Variants in TIAM2 observed in about 807,000 individuals in gnomAD.
TIAM2 encodes rho guanine nucleotide exchange factor TIAM2.
A neutral mutation model predicts 152.9 loss-of-function variants in TIAM2; 80 were observed. The observed-to-expected ratio is 0.52, with a 90% CI of 0.44 to 0.63. The LOEUF is 0.63. Ranked by LOEUF, TIAM2 falls within the 30% of genes least tolerant of loss-of-function variation. The pLI is 0.00. For missense variants in TIAM2, 1,965 were observed against 2,120.1 expected (o/e 0.93, Z 1.44); for synonymous variants, 804 against 838.0 (o/e 0.96, Z 0.70).
At chr6:155,068,273 ACT>A (rs1777750305) in intron 1 of TIAM2, among the ~76,000 whole-genome samples, 1 of 151,250 alleles carries the variant, frequency 6.6e-6, no homozygotes, top group Non-Finnish European at 1.5e-5. Context: ...AAGGCAAAAA[ACT>A]CTCTACCCAC....
At chr6:155,053,938 G>C (rs1278606024) in intron 1 of TIAM2, among the ~76,000 whole-genome samples, 1 of 152,160 alleles carries the variant, frequency 6.6e-6, no homozygotes, top group Non-Finnish European at 1.5e-5. Flanking sequence ...AGCACTTTGG[G>C]AGGCTGAGGC....
chr6:155,208,526 A>G (rs1562354131), intron 14 of TIAM2, among the ~76,000 whole-genome samples: 1 of 151,998 alleles, frequency 6.6e-6, no homozygotes, highest in Non-Finnish European at 1.5e-5. Context: ...CTCCCCGACC[A>G]CTGAAAATCT....
At position 155,127,792 on chromosome 6, in the gene TIAM2, A is replaced by G. The variant is rs149542996; in HGVS notation, c.-7+192A>G. Among the ~76,000 whole-genome samples, 323 of 152,360 alleles carry G rather than the reference A, an allele frequency of 2.1e-3. 1 individual carries two copies. The highest frequency in any genetic ancestry group is 3.7e-3 in the Non-Finnish European group (252 of 68,040). ...TCTTAGATATAAAAGAATTAAAAAT[A>G]AAAAGCCTACTAAATATATCTGGAG... On this transcript the variant is annotated intron_variant, in intron 3 of 26. Coordinates refer to ENST00000682666, the MANE Select transcript of TIAM2 (RefSeq NM_012454.4).
intron 1 of TIAM2, among the ~76,000 whole-genome samples, chr6:155,085,730 G>A (rs1427711475): frequency 6.6e-6 from 1 of 152,176 alleles, no homozygotes; most frequent in Non-Finnish European, 1.5e-5. Context: ...AAATTACACT[G>A]ATGTCATGGT....
intron 14 of TIAM2, among the ~76,000 whole-genome samples, chr6:155,184,306 T>C (rs17086038): frequency 0.019 from 2,831 of 152,316 alleles, 82 homozygotes; most frequent in African/African-American, 0.065. Flanking sequence ...AGCAAACTTT[T>C]AATGTAGGTC....
chr6:155,182,258 C>G lies in TIAM2; in HGVS notation c.2740C>G (p.Gln914Glu). 1.2e-6 allele frequency: 2 copies of G among 1,614,172 alleles called. No homozygotes were observed. Among genetic ancestry groups the G allele is most frequent in the East Asian group, 4.5e-5 (2 of 44,892 alleles). ...FAVTAQVDER[Q>E]HLSRIFISDV... Reference sequence around the variant, plus strand: ...AGTTACAGCGCAGGTGGATGAGCGTCAGCATCTCAGCCGGATATTTATAAG... The same window carrying G: ...AGTTACAGCGCAGGTGGATGAGCGTGAGCATCTCAGCCGGATATTTATAAG... The change falls in exon 13 of 27, where the codon CAG becomes GAG. Residue 914 changes from glutamine to glutamate, a missense_variant. Gln to Glu is a conservative substitution (Grantham distance 29). Around this residue, in one of 3 missense-constraint regions of TIAM2, gnomAD observed 935 missense variants for 980.0 expected, o/e 0.95. Coordinates refer to ENST00000682666, the MANE Select transcript of TIAM2 (RefSeq NM_012454.4).
At chr6:154,998,288 A>G (rs1778255672) in intron 1 of TIAM2, among the ~76,000 whole-genome samples, 1 of 152,240 alleles carries the variant, frequency 6.6e-6, no homozygotes, top group African/African-American at 2.4e-5. Flanking sequence ...ATGTGCTAAT[A>G]AATTGCATTG....
At chr6:155,170,485 C>T (rs1780558824) in intron 9 of TIAM2, among the ~76,000 whole-genome samples, 1 of 152,088 alleles carries the variant, frequency 6.6e-6, no homozygotes, top group Admixed American at 6.5e-5. Context: ...AGTGTAGTGG[C>T]TTGCTCCTCG....
chr6:155,216,878 A>G lies in TIAM2; in HGVS notation c.3168+5571A>G, dbSNP rs569705662. 8.0e-5 allele frequency: 93 copies of G among 1,155,812 alleles called. No individual in the cohort carries two copies. In the East Asian group the frequency reaches 1.8e-3, roughly 22 times the overall value. 71.6% of individuals were successfully genotyped at this position (1,155,812 alleles called of 1,614,324 possible). On this transcript the variant is annotated intron_variant, in intron 15 of 26. Transcript: ENST00000682666. ...CAGAGCAGGGGGCCAGCTTCCCCCA[A>G]TCACCGGTGCTGCTGTGGAGGAAGA...
At chr6:155,188,595 G>C (rs958263979) in intron 14 of TIAM2, among the ~76,000 whole-genome samples, 2 of 152,192 alleles carry the variant, frequency 1.3e-5, no homozygotes, top group African/African-American at 4.8e-5. Context: ...TGTTATTTCA[G>C]AGCCAACAAG....
intron 1 of TIAM2, among the ~76,000 whole-genome samples, chr6:155,010,057 A>G (rs1320982277): frequency 1.3e-5 from 2 of 151,960 alleles, no homozygotes; most frequent in Non-Finnish European, 2.9e-5. Context: ...TTTGGTCTTG[A>G]ATTCCTGGCC....
chr6:155,172,668 ATATATATATATATATATATTT>A (rs1298734097), intron 9 of TIAM2, among the ~76,000 whole-genome samples: 1 of 10,872 alleles, frequency 9.2e-5, no homozygotes, highest in Non-Finnish European at 2.9e-4. Context: ...ATATATATAT[ATATATATATATATATATATTT>A]TTTTTTTTTT....
intron 2 of TIAM2, among the ~76,000 whole-genome samples, chr6:155,121,517 A>G (rs773486058): frequency 3.3e-5 from 5 of 152,218 alleles, no homozygotes; most frequent in Non-Finnish European, 5.9e-5. Context: ...AGCAGGGCTT[A>G]ACCCGAGTTC....
At chr6:155,137,736 TG>T in intron 5 of TIAM2, 124 bp downstream of exon 5, 2 of 1,055,952 alleles carry the variant, frequency 1.9e-6, no homozygotes, top group South Asian at 1.7e-5. Flanking sequence ...ACAGGATCCA[TG>T]GGCTGCCTTC....
At chr6:155,054,243 A>G (rs1290524646) in intron 1 of TIAM2, among the ~76,000 whole-genome samples, 1 of 152,140 alleles carries the variant, frequency 6.6e-6, no homozygotes, top group Non-Finnish European at 1.5e-5. Flanking sequence ...ATCCCCCCTG[A>G]GAGGCACTCG....
intron 15 of TIAM2, 129 bp downstream of exon 15, chr6:155,211,436 ATATATGT>A (rs1781715794): frequency 1.6e-6 from 1 of 639,860 alleles, no homozygotes; most frequent in East Asian, 3.0e-5. Flanking sequence ...AAACATACAT[ATATATGT>A]TAAGGATACA....
chr6:155,155,544 G>A (rs1366929222), intron 7 of TIAM2, among the ~76,000 whole-genome samples: 7 of 151,606 alleles, frequency 4.6e-5, no homozygotes, highest in Non-Finnish European at 1.0e-4. Flanking sequence ...GTGTGATCTC[G>A]GCTCACTGTA....
chr6:155,078,961 A>G (rs1778008370), intron 1 of TIAM2, among the ~76,000 whole-genome samples: 1 of 151,378 alleles, frequency 6.6e-6, no homozygotes, highest in Non-Finnish European at 1.5e-5. Flanking sequence ...TTTCAGATAC[A>G]TTTAATGGAT....
intron 1 of TIAM2, among the ~76,000 whole-genome samples, chr6:155,040,901 G>A (rs1476249482): frequency 6.6e-6 from 1 of 152,102 alleles, no homozygotes; most frequent in Non-Finnish European, 1.5e-5. Flanking sequence ...GAAAATGATG[G>A]CAAAAGTCAA....
Sources: allele counts gnomAD v4.1 joint callset (sites outside exome capture counted in the v4.1 genomes callset), GRCh38; gene constraint gnomAD v4.1.1; regional missense constraint gnomAD v4.1.1; transcripts MANE v1.5; gene names NCBI Gene and HGNC (gene_info 2026-07-23, HGNC 2026-07-21).